Variants in APPL2 observed in about 807,000 individuals in gnomAD.
APPL2 encodes adaptor protein, phosphotyrosine interacting with PH domain and leucine zipper 2, also known as DCC-interacting protein 13-beta.
A neutral mutation model predicts 92.7 loss-of-function variants in APPL2; 84 were observed. The observed-to-expected ratio is 0.91, with a 90% CI of 0.76 to 1.09. The LOEUF (loss-of-function observed/expected upper bound fraction) is 1.09. Among genes scored for constraint, APPL2 ranks in the 50% least tolerant of loss-of-function variants. APPL2 has a pLI of 0.00. For synonymous variants in APPL2, 291 were observed against 291.0 expected (o/e 1.00, Z 0.00); for missense variants, 736 against 824.5 (o/e 0.89, Z 1.31).
At chr12:105,228,163 A>C (rs1168308337) in intron 2 of APPL2, among the ~76,000 whole-genome samples, 2 of 152,230 alleles carry the variant, frequency 1.3e-5, no homozygotes, top group Non-Finnish European at 2.9e-5. Context: ...TATATTAGTA[A>C]GAGCTATATA....
At chr12:105,204,519 T>G (rs1888534650) in intron 8 of APPL2, among the ~76,000 whole-genome samples, 1 of 152,224 alleles carries the variant, frequency 6.6e-6, no homozygotes, top group Non-Finnish European at 1.5e-5. Flanking sequence ...GTGGTCATCC[T>G]AACACAGGTG....
chr12:105,186,761 CAG>C (rs1331963187), intron 17 of APPL2, among the ~76,000 whole-genome samples: 4 of 147,854 alleles, frequency 2.7e-5, no homozygotes, highest in Non-Finnish European at 4.5e-5. Context: ...ATCTGTGAGA[CAG>C]TGTGCATGCG....
chr12:105,209,876 G>C (rs754093336), intron 5 of APPL2, among the ~76,000 whole-genome samples: 12 of 152,090 alleles, frequency 7.9e-5, no homozygotes, highest in Non-Finnish European at 1.6e-4. Flanking sequence ...ACTGACCTTA[G>C]GTAGAGTTTA....
At chr12:105,195,776 C>G (rs1196743) in intron 11 of APPL2, 149 bp from the exon 12 acceptor site, 1 of 802,530 alleles carries the variant, frequency 1.2e-6, no homozygotes, top group Non-Finnish European at 2.0e-6. Context: ...GTTCCAGGGC[C>G]AGGTGCAGTG....
chr12:105,230,241 T>C (rs967910491), intron 1 of APPL2, among the ~76,000 whole-genome samples: 1 of 152,136 alleles, frequency 6.6e-6, no homozygotes, highest in Non-Finnish European at 1.5e-5. Context: ...TCCTCAGTGC[T>C]CAGAGAGCAG....
At chr12:105,212,215 G>C (rs767024228) in intron 4 of APPL2, among the ~76,000 whole-genome samples, 46 of 151,120 alleles carry the variant, frequency 3.0e-4, no homozygotes, top group Non-Finnish European at 6.6e-4. Context: ...TAAGATAACT[G>C]CATTTGGATG....
chr12:105,181,994 C>G (rs542997871), intron 17 of APPL2, among the ~76,000 whole-genome samples: 26 of 152,190 alleles, frequency 1.7e-4, no homozygotes, highest in Non-Finnish European at 2.6e-4. Context: ...TATTTCTTGT[C>G]TTCTGCTAGC....
At position 105,186,622 on chromosome 12, in the gene APPL2, T is replaced by G. The variant is rs1005397234; in HGVS notation, c.1634+1651A>C. On this transcript the variant is annotated intron_variant, in intron 17 of 20. Coordinates refer to ENST00000258530, the MANE Select transcript of APPL2 (RefSeq NM_018171.5). ...TTCCATTAAATATATATATCATATA[T>G]ATATCATATATATCATATATATGAT... 6.4e-5 allele frequency among the ~76,000 whole-genome samples: 8 copies of G among 125,660 alleles called. No individual in the cohort carries two copies. In the East Asian group the frequency reaches 1.2e-3, roughly 18 times the overall value. The allele number at this position is 125,660 out of a possible 152,430, so 82.4% of individuals were successfully genotyped here.
intron 2 of APPL2, among the ~76,000 whole-genome samples, chr12:105,222,068 C>T (rs1299035268): frequency 6.6e-6 from 1 of 152,202 alleles, no homozygotes; most frequent in Non-Finnish European, 1.5e-5. Context: ...TATCACAAAG[C>T]TGGCGGTCAC....
Position 105,217,020 on chromosome 12 carries a change from G to T in APPL2, c.285+49C>A, listed in dbSNP as rs1164390862. On this transcript the variant is annotated intron_variant, in intron 4 of 20. Coordinates refer to ENST00000258530, the MANE Select transcript of APPL2 (RefSeq NM_018171.5). The stretch of plus-strand genomic sequence containing the variant: ...AAAGTGGGCCAAAATAACAACAAAA[G>T]AAAGTTCGAGAAAGAATCAAATACA... 5 of 1,369,624 alleles carry T rather than the reference G, an allele frequency of 3.7e-6. No individual in the cohort carries two copies. In the African/African-American group the frequency reaches 7.3e-5, roughly 20 times the overall value. 84.8% of individuals were successfully genotyped at this position (1,369,624 alleles called of 1,614,324 possible).
intron 13 of APPL2, 26 bp downstream of exon 13, chr12:105,195,419 C>G (rs745441287): frequency 1.4e-5 from 23 of 1,614,006 alleles, no homozygotes; most frequent in South Asian, 3.3e-5. Flanking sequence ...GAGAAAAGGG[C>G]TGAGATGCCG....
chr12:105,176,661 T>G (rs1364614546), intron 19 of APPL2: 4 of 524,912 alleles, frequency 7.6e-6, no homozygotes, highest in African/African-American at 1.9e-5. Context: ...AATTTCTTCC[T>G]CATTCACCCT....
chr12:105,215,706 T>G (rs1412477582), intron 4 of APPL2, among the ~76,000 whole-genome samples: 1 of 152,192 alleles, frequency 6.6e-6, no homozygotes, highest in Non-Finnish European at 1.5e-5. Context: ...TTTATGTTTA[T>G]TCTTTATCAT....
intron 5 of APPL2, among the ~76,000 whole-genome samples, chr12:105,209,554 C>T (rs1442298687): frequency 6.6e-6 from 1 of 152,154 alleles, no homozygotes; most frequent in African/African-American, 2.4e-5. Context: ...AATCTGACAA[C>T]ATAGGTCTTA....
chr12:105,189,503 T>C (rs1049107471), intron 16 of APPL2, among the ~76,000 whole-genome samples: 2 of 152,236 alleles, frequency 1.3e-5, no homozygotes, highest in Non-Finnish European at 2.9e-5. Context: ...TTGAATGTGA[T>C]AACAGATTCA....
rs909501450 is a variant in APPL2 at position 105,212,590 on chromosome 12, G to A, written c.286-1273C>T. On this transcript the variant is annotated intron_variant, in intron 4 of 20. Transcript: ENST00000258530. ...ATTTGTCCTTTATGCTCACGTTTGGGAATCTAGACGTTGGCAATGAATACA... is the reference window on the plus strand; with the variant it reads ...ATTTGTCCTTTATGCTCACGTTTGGAAATCTAGACGTTGGCAATGAATACA... 4.6e-5 allele frequency among the ~76,000 whole-genome samples: 7 copies of A among 152,218 alleles called. 1 individual carries two copies. The South Asian group carries it at 1.4e-3, about 31-fold the overall frequency.
At chr12:105,211,485 G>A (rs1022576225) in intron 4 of APPL2, among the ~76,000 whole-genome samples, 168 bp from the exon 5 acceptor site, 1 of 152,212 alleles carries the variant, frequency 6.6e-6, no homozygotes, top group Admixed American at 6.5e-5. Context: ...TATTGGCCTA[G>A]AAGCATGAAA....
chr12:105,201,219 CTTTAATGCAGCTCGA>C (rs1261507531), intron 9 of APPL2, among the ~76,000 whole-genome samples: 1 of 152,202 alleles, frequency 6.6e-6, no homozygotes, highest in Non-Finnish European at 1.5e-5. Context: ...AGCCCCTCTT[CTTTAATGCAGCTCGA>C]TTTTGGCTTT....
At chr12:105,207,430 A>G (rs1400283320) in intron 7 of APPL2, among the ~76,000 whole-genome samples, 1 of 152,230 alleles carries the variant, frequency 6.6e-6, no homozygotes, top group Non-Finnish European at 1.5e-5. Context: ...TGAAGCCTGT[A>G]CCCTCCTGGG....
Sources: gnomAD v4.1 joint callset for allele counts (sites outside exome capture counted in the v4.1 genomes callset) on GRCh38, gnomAD v4.1.1 for gene constraint, MANE v1.5 for transcripts, NCBI Gene and HGNC (gene_info 2026-07-23, HGNC 2026-07-21) for gene names.